LNX1: variants seen among roughly 807,000 people sequenced by gnomAD.
LNX1 encodes the protein E3 ubiquitin-protein ligase LNX.
A neutral mutation model predicts 68.4 loss-of-function variants in LNX1; 54 were observed. The ratio of observed to expected loss-of-function variants is 0.79; its 90% CI spans 0.63 to 0.99. The LOEUF (loss-of-function observed/expected upper bound fraction) is 0.99. Ranked by LOEUF, LNX1 falls within the 50% of genes least tolerant of loss-of-function variation. The pLI is 0.00. For missense variants in LNX1, 906 were observed against 926.4 expected, an observed-to-expected ratio of 0.98 and a Z score of 0.29; for synonymous variants, 336 against 350.0, an observed-to-expected ratio of 0.96 and a Z score of 0.45.
chr4:53,506,933 T>C (rs958383493), intron 4 of LNX1, among the ~76,000 whole-genome samples: 4 of 148,802 alleles, frequency 2.7e-5, no homozygotes, highest in African/African-American at 9.9e-5. Flanking sequence ...AGGAAATGCA[T>C]GTAAAACACT....
rs188517463 is a variant in LNX1, at chr4:53,576,116, G to A, written c.-86-2028C>T. On this transcript the variant is annotated intron_variant, in intron 1 of 10. Transcript: ENST00000263925. ...GCCAGCGTGGTATTTGGGAGCCAGC[G>A]GCCCCTCCTTGATTCTGTGGCCCAG... The A allele has an allele frequency of 5.9e-4, 918 of 1,554,712 alleles. 10 individuals carry two copies. In the East Asian group the frequency reaches 0.019, roughly 33 times the overall value.
chr4:53,587,095 G>C (rs6843281), intron 1 of LNX1, among the ~76,000 whole-genome samples: 25 of 152,116 alleles, frequency 1.6e-4, no homozygotes, highest in Non-Finnish European at 3.5e-4. Context: ...TATCCCAAAA[G>C]GCAACCTACT....
chr4:53,486,252 T>C (rs946181235), intron 6 of LNX1, among the ~76,000 whole-genome samples: 26 of 152,054 alleles, frequency 1.7e-4, no homozygotes, highest in African/African-American at 5.3e-4. Flanking sequence ...CAGAGCACCA[T>C]ATTGATGCCA....
intron 2 of LNX1, among the ~76,000 whole-genome samples, chr4:53,524,542 T>A (rs1727474983): frequency 6.6e-6 from 1 of 152,200 alleles, no homozygotes; most frequent in African/African-American, 2.4e-5. Flanking sequence ...TAAACTTTAT[T>A]CAATTCTAAC....
chr4:53,562,118 T>C (rs1237973291), intron 2 of LNX1, among the ~76,000 whole-genome samples: 6 of 152,226 alleles, frequency 3.9e-5, no homozygotes, highest in Non-Finnish European at 7.3e-5. Context: ...TGTATGCAGA[T>C]GATGAGATTA....
chr4:53,564,993 G>T (rs903744164), intron 2 of LNX1, among the ~76,000 whole-genome samples: 2 of 152,170 alleles, frequency 1.3e-5, no homozygotes, highest in East Asian at 1.9e-4. Flanking sequence ...GGCTCGGAGG[G>T]TCCTACCCCA....
chr4:53,579,193 A>G lies in LNX1; in HGVS notation c.-86-5105T>C, dbSNP rs147844191. On this transcript the variant is annotated intron_variant, in intron 1 of 10. Transcript: ENST00000263925. ...AAGTAAGTAGACAGAGCTGTGATAC[A>G]GTGTTTTGGCAGTTTAGAGTAAGAA... The G allele has an allele frequency of 2.7e-4, 228 of 830,592 alleles. 1 individual carries two copies. The African/African-American group carries it at 3.5e-3, about 13-fold the overall frequency. The allele number at this position is 830,592 out of a possible 1,614,324, so 51.5% of individuals were successfully genotyped here. A position where few individuals can be genotyped will look rare whatever the true frequency, so the allele number is the denominator to read the frequency against.
intron 2 of LNX1, among the ~76,000 whole-genome samples, chr4:53,564,843 A>G (rs1038533335): frequency 2.2e-4 from 33 of 152,200 alleles, no homozygotes; most frequent in African/African-American, 7.2e-4. Context: ...AAGCGCAAGG[A>G]GTCAGGGAGT....
At chr4:53,468,580 T>G (rs1935012616) in intron 9 of LNX1, among the ~76,000 whole-genome samples, 1 of 152,202 alleles carries the variant, frequency 6.6e-6, no homozygotes, top group South Asian at 2.1e-4. Flanking sequence ...ATCAGTGTGC[T>G]GTATTCAGGA....
intron 9 of LNX1, among the ~76,000 whole-genome samples, chr4:53,467,234 C>A (rs1438820443): frequency 6.6e-6 from 1 of 152,166 alleles, no homozygotes; most frequent in Non-Finnish European, 1.5e-5. Flanking sequence ...GCAACAGGGT[C>A]TGGAGTGGAC....
intron 2 of LNX1, among the ~76,000 whole-genome samples, chr4:53,600,197 C>G (rs554107217): frequency 6.6e-6 from 1 of 152,262 alleles, no homozygotes; most frequent in South Asian, 2.1e-4. Context: ...TTTATGCTGT[C>G]CAATAGAGTA....
chr4:53,469,718 T>C (rs1165934818), intron 9 of LNX1, among the ~76,000 whole-genome samples: 3 of 150,920 alleles, frequency 2.0e-5, no homozygotes, highest in African/African-American at 4.9e-5. Flanking sequence ...AACACCTCTA[T>C]GCAAATAAAC....
chr4:53,577,448 G>T (rs1731564303), intron 1 of LNX1, among the ~76,000 whole-genome samples: 1 of 152,196 alleles, frequency 6.6e-6, no homozygotes, highest in African/African-American at 2.4e-5. Context: ...TGGTGAAATG[G>T]TGGCATTGGA....
intron 2 of LNX1, among the ~76,000 whole-genome samples, chr4:53,521,260 C>T (rs1045463901): frequency 3.9e-5 from 6 of 152,154 alleles, no homozygotes; most frequent in African/African-American, 9.6e-5. Flanking sequence ...GAAGTCTATG[C>T]AACCCCAGGG....
intron 2 of LNX1, among the ~76,000 whole-genome samples, chr4:53,562,273 T>C (rs775713534): frequency 1.3e-5 from 2 of 152,206 alleles, no homozygotes; most frequent in Non-Finnish European, 2.9e-5. Flanking sequence ...CACTACACAC[T>C]GGTAATGGCC....
intron 9 of LNX1, among the ~76,000 whole-genome samples, chr4:53,471,213 C>G (rs1723151917): frequency 6.6e-6 from 1 of 151,774 alleles, no homozygotes; most frequent in Non-Finnish European, 1.5e-5. Context: ...TGATCTTTGA[C>G]AAACCTGACA....
At chr4:53,574,909 T>G (rs1227146051) in intron 1 of LNX1, among the ~76,000 whole-genome samples, 1 of 152,228 alleles carries the variant, frequency 6.6e-6, no homozygotes, top group Admixed American at 6.5e-5. Flanking sequence ...GCCCAGAAAC[T>G]GAAAGCTAGA....
At chr4:53,462,685 G>A (rs1272924144) in intron 9 of LNX1, among the ~76,000 whole-genome samples, 1 of 151,988 alleles carries the variant, frequency 6.6e-6, no homozygotes, top group African/African-American at 2.4e-5. Context: ...TTTAGGGTTT[G>A]GCAAATACCT....
At chr4:53,499,631 G>T (rs62323595) in intron 4 of LNX1, among the ~76,000 whole-genome samples, 3 of 152,062 alleles carry the variant, frequency 2.0e-5, no homozygotes, top group Non-Finnish European at 4.4e-5. Context: ...CAGTTTTATC[G>T]CTTGCTTATT....
Sources: allele counts gnomAD v4.1 joint callset (sites outside exome capture counted in the v4.1 genomes callset), GRCh38; gene constraint gnomAD v4.1.1; transcripts MANE v1.5; gene names NCBI Gene and HGNC (gene_info 2026-07-23, HGNC 2026-07-21).